MACROD2: variants seen among roughly 807,000 people sequenced by gnomAD.
MACROD2 encodes the protein ADP-ribose glycohydrolase MACROD2.
In MACROD2, 36 loss-of-function variants were observed where a neutral mutation model predicts 70.4. The observed-to-expected ratio is 0.51, with a 90% CI of 0.39 to 0.68. The LOEUF (loss-of-function observed/expected upper bound fraction) is 0.68, where lower values mean the gene tolerates loss of function less well. Among genes scored for constraint, MACROD2 ranks in the 30% least tolerant of loss-of-function variants. The probability of loss-of-function intolerance (pLI) is 0.00; values close to 1 mark genes in which losing one functional copy is unlikely to be tolerated. For synonymous variants in MACROD2, 172 were observed against 178.8 expected, an observed-to-expected ratio of 0.96 and a Z score of 0.30; for missense variants, 496 against 538.4, an observed-to-expected ratio of 0.92 and a Z score of 0.78.
chr20:14,647,169 A>G (rs781604598), intron 4 of MACROD2, among the ~76,000 whole-genome samples: 1 of 152,132 alleles, frequency 6.6e-6, no homozygotes, highest in Non-Finnish European at 1.5e-5. Context: ...CTACTAATTC[A>G]GGAGGATTTA....
At chr20:15,010,248 C>T (rs1234278148) in intron 5 of MACROD2, among the ~76,000 whole-genome samples, 4 of 152,192 alleles carry the variant, frequency 2.6e-5, no homozygotes, top group Non-Finnish European at 1.5e-5. Context: ...TTTAGAAAAT[C>T]AGCACCAGCC....
At chr20:16,031,438 C>T (rs967054297) in intron 15 of MACROD2, among the ~76,000 whole-genome samples, 5 of 152,090 alleles carry the variant, frequency 3.3e-5, no homozygotes, top group African/African-American at 1.2e-4. Flanking sequence ...TGAAGATTAA[C>T]AGTTCACATA....
At chr20:15,813,229 T>C (rs2063838538) in intron 8 of MACROD2, among the ~76,000 whole-genome samples, 1 of 152,210 alleles carries the variant, frequency 6.6e-6, no homozygotes, top group South Asian at 2.1e-4. Flanking sequence ...CATTTCTAAA[T>C]TTTTTATGTA....
intron 5 of MACROD2, among the ~76,000 whole-genome samples, chr20:14,964,604 G>T (rs1183522987): frequency 6.6e-6 from 1 of 151,662 alleles, no homozygotes; most frequent in African/African-American, 2.4e-5. Context: ...AAAAAATAAA[G>T]AGAGACTGCA....
At chr20:15,663,232 AT>A (rs34234600) in intron 8 of MACROD2, among the ~76,000 whole-genome samples, 8,202 of 129,682 alleles carry the variant, frequency 0.063, 208 homozygotes, top group East Asian at 0.18. Flanking sequence ...TCAGAATTTG[AT>A]TTTTTTTTTT....
At chr20:15,798,091 G>A (rs955085553) in intron 8 of MACROD2, among the ~76,000 whole-genome samples, 10 of 152,222 alleles carry the variant, frequency 6.6e-5, no homozygotes, top group African/African-American at 2.4e-4. Context: ...AAAAACAGAT[G>A]TGCACTGGCT....
chr20:15,961,481 T>G (rs1007513608), intron 12 of MACROD2, among the ~76,000 whole-genome samples: 1 of 152,204 alleles, frequency 6.6e-6, no homozygotes, highest in Non-Finnish European at 1.5e-5. Context: ...TCCAAGTGTC[T>G]GGCTAAAAGC....
At chr20:14,319,671 A>C (rs564261673) in intron 3 of MACROD2, among the ~76,000 whole-genome samples, 103 of 152,112 alleles carry the variant, frequency 6.8e-4, no homozygotes, top group Non-Finnish European at 1.1e-3. Flanking sequence ...GACCTCTTCT[A>C]TGTCTTTACC....
At chr20:15,165,180 GT>G in intron 5 of MACROD2, among the ~76,000 whole-genome samples, 1 of 152,336 alleles carries the variant, frequency 6.6e-6, no homozygotes, top group South Asian at 2.1e-4. Flanking sequence ...CACCGGCTGG[GT>G]ACGGTGGCTT....
chr20:15,891,100 A>T (rs572205050), intron 10 of MACROD2, among the ~76,000 whole-genome samples: 64 of 152,250 alleles, frequency 4.2e-4, no homozygotes, highest in African/African-American at 1.5e-3. Flanking sequence ...TTTGAGAGAG[A>T]TTTCCTTTCT....
intron 10 of MACROD2, among the ~76,000 whole-genome samples, chr20:15,899,042 A>G (rs541354763): frequency 3.9e-5 from 6 of 151,934 alleles, no homozygotes; most frequent in African/African-American, 1.4e-4. Flanking sequence ...ATATGTACAC[A>G]TGTATGTATA....
Position 14,107,202 on chromosome 20 carries a change from A to T in MACROD2, c.271+21474A>T, listed in dbSNP as rs545809835. Among the ~76,000 whole-genome samples, 3 of 152,356 alleles carry T rather than the reference A, an allele frequency of 2.0e-5. No individual in the cohort carries two copies. In the South Asian group the frequency reaches 6.2e-4, roughly 32 times the overall value. On this transcript the variant is annotated intron_variant, in intron 3 of 17. Coordinates refer to ENST00000684519, the MANE Select transcript of MACROD2 (RefSeq NM_001351661.2). ...AGAGAAATTTAACAAAGAGATTGAA[A>T]TTATTAAGAATGCAGTAGAAATTCT...
At chr20:14,708,310 T>C (rs2071294382) in intron 5 of MACROD2, among the ~76,000 whole-genome samples, 1 of 152,200 alleles carries the variant, frequency 6.6e-6, no homozygotes, top group Non-Finnish European at 1.5e-5. Context: ...GCCAGCTGTA[T>C]GGTTTCACTT....
chr20:15,361,368 G>C (rs6079785), intron 6 of MACROD2, among the ~76,000 whole-genome samples: 13,614 of 152,188 alleles, frequency 0.089, 772 homozygotes, highest in Non-Finnish European at 0.13. Flanking sequence ...CAAGAAATCG[G>C]TTGGCCATAC....
intron 6 of MACROD2, among the ~76,000 whole-genome samples, chr20:15,239,879 T>C (rs1014479755): frequency 2.0e-5 from 3 of 152,202 alleles, no homozygotes; most frequent in Non-Finnish European, 2.9e-5. Flanking sequence ...AATGGTGATG[T>C]GGTTATGAGG....
At chr20:14,355,049 G>C (rs941908180) in intron 3 of MACROD2, among the ~76,000 whole-genome samples, 4 of 152,152 alleles carry the variant, frequency 2.6e-5, no homozygotes, top group Non-Finnish European at 5.9e-5. Context: ...TGGGCACCTA[G>C]GTTGATTCCA....
intron 4 of MACROD2, among the ~76,000 whole-genome samples, chr20:14,526,146 A>G (rs149948463): frequency 1.1e-4 from 17 of 152,328 alleles, no homozygotes; most frequent in South Asian, 6.2e-4. Context: ...TGACTCTGAC[A>G]TCAGTATTTT....
intron 3 of MACROD2, among the ~76,000 whole-genome samples, chr20:14,407,422 CTCTA>C (rs1047299771): frequency 1.3e-5 from 2 of 152,042 alleles, no homozygotes; most frequent in Non-Finnish European, 2.9e-5. Context: ...CTCTCCCACT[CTCTA>C]TCTTTTTTGA....
At chr20:15,108,051 G>T (rs1363787826) in intron 5 of MACROD2, among the ~76,000 whole-genome samples, 2 of 151,256 alleles carry the variant, frequency 1.3e-5, no homozygotes, top group Admixed American at 6.6e-5. Flanking sequence ...AGGCAGTAGA[G>T]GCTATTGGTT....
Sources: allele counts gnomAD v4.1 joint callset (sites outside exome capture counted in the v4.1 genomes callset), GRCh38; gene constraint gnomAD v4.1.1; transcripts MANE v1.5; gene names NCBI Gene and HGNC (gene_info 2026-07-23, HGNC 2026-07-21).